The following MAP7D3 variants were observed in gnomAD, a reference collection of about 807,000 sequenced individuals.
MAP7D3 encodes the protein MAP7 domain-containing protein 3.
MAP7D3 carries 45 observed loss-of-function variants against 62.2 expected under a neutral mutation model. The observed-to-expected ratio is 0.72, with a 90% CI of 0.57 to 0.93. The LOEUF (loss-of-function observed/expected upper bound fraction) is 0.93, where lower values mean the gene tolerates loss of function less well. Among genes scored for constraint, MAP7D3 ranks in the 40% least tolerant of loss-of-function variants. The pLI, the probability that MAP7D3 is intolerant of heterozygous loss-of-function variation, is 0.00. For missense variants in MAP7D3, 711 were observed against 683.1 expected, an observed-to-expected ratio of 1.04 and a Z score of -0.45; for synonymous variants, 288 against 248.8, an observed-to-expected ratio of 1.16 and a Z score of -1.48.
chrX:136,217,833 CTCT>C lies in MAP7D3; in HGVS notation c.*690_*692del, dbSNP rs2148394486. ...CTTTGGGAGGCCAAGACGGGTGGAT[CTCT>C]TGAGGCCAGGATTTCGAGACTAGCC... On this transcript the variant is annotated 3_prime_UTR_variant, in exon 19 of 19. Coordinates refer to ENST00000316077, the MANE Select transcript of MAP7D3 (RefSeq NM_024597.4). 1 of 111,012 alleles carries C rather than the reference CTCT, an allele frequency of 9.0e-6. No individual in the cohort carries two copies. Among genetic ancestry groups the C allele is most frequent in the African/African-American group, 3.3e-5 (1 of 30,538 alleles). 9.1% of individuals were successfully genotyped at this position (111,012 alleles called of 1,213,427 possible).
rs776333996 is a variant in MAP7D3 at position 136,218,054 on chromosome X, CAAAAAA to C, written c.*466_*471del. On this transcript the variant is annotated 3_prime_UTR_variant, in exon 19 of 19. Coordinates refer to ENST00000316077, the MANE Select transcript of MAP7D3 (RefSeq NM_024597.4). Reference sequence around the variant, plus strand: ...TGGGCGACAGGGCAAGACTCCGTCTCAAAAAAAAAAAAAAGAAAAAGAAAAAGAAAA... The same window carrying C: ...TGGGCGACAGGGCAAGACTCCGTCTCAAAAAAAAGAAAAAGAAAAAGAAAA... The C allele has an allele frequency of 1.9e-5, 1 of 53,497 alleles. No individual in the cohort carries two copies. Among genetic ancestry groups the C allele is most frequent in the Non-Finnish European group, 3.7e-5 (1 of 27,121 alleles). 4.4% of individuals were successfully genotyped at this position (53,497 alleles called of 1,213,427 possible).
chrX:136,215,910 G>GGGAA (rs1188974691), downstream of MAP7D3, among the ~76,000 whole-genome samples: 2 of 111,409 alleles, frequency 1.8e-5, no homozygotes, highest in African/African-American at 6.5e-5. Flanking sequence ...AAGGGGAGGA[G>GGGAA]GGAAAGGGGA....
intron 10 of MAP7D3, among the ~76,000 whole-genome samples, chrX:136,229,675 G>T (rs1444139640): frequency 1.0e-5 from 1 of 97,370 alleles, no homozygotes; most frequent in East Asian, 3.3e-4. Flanking sequence ...GGGATCTCAG[G>T]AATCACCTAG....
upstream of MAP7D3, among the ~76,000 whole-genome samples, chrX:136,255,734 G>GCTCCT (rs1299485527): frequency 1.8e-5 from 2 of 110,795 alleles, no homozygotes; most frequent in Non-Finnish European, 3.8e-5. Flanking sequence ...AACCCAGGCG[G>GCTCCT]CTCCTCTCCT....
chrX:136,229,955 T>TTG lies in MAP7D3; in HGVS notation c.1750+428_1750+429dup, dbSNP rs56189227. On this transcript the variant is annotated intron_variant, in intron 10 of 18. Transcript: ENST00000316077. ...TTCCACATCGGGCTAATTTTTTTTT[T>TTG]TGTGTGTGTATATATATATATATAT... Among the ~76,000 whole-genome samples the TTG allele has an allele frequency of 8.8e-3, 529 of 59,823 alleles. 6 individuals carry two copies. Among genetic ancestry groups the TTG allele is most frequent in the African/African-American group, 0.024 (465 of 19,064 alleles). The allele number at this position is 59,823 out of a possible 115,157, so 51.9% of individuals were successfully genotyped here.
Position 136,231,892 on chromosome X carries a change from C to T in MAP7D3, c.1065G>A (p.Glu355=). The change falls in exon 8 of 19, where the codon GAG becomes GAA. Residue 355 remains glutamate (E), a synonymous_variant. Transcript: ENST00000316077. ...VSPVVSTYDS[E]MSMDASPELS... is the part of the protein sequence containing the mutation. ...ACTCGGGGGATGCGTCCATGCTCAT[C>T]TCAGAATCATATGTGCTCACCACAG... 8.3e-7 allele frequency: 1 copy of T among 1,211,675 alleles called. No homozygotes were observed. The highest frequency in any genetic ancestry group is 1.1e-6 in the Non-Finnish European group (1 of 895,425).
In MAP7D3 at chrX:136,250,780, T is replaced by C. The variant is rs746364812; in HGVS notation, c.70+509A>G. Reference sequence around the variant, plus strand: ...CTCGCCCACGACCCGGGCTGGGGGATAACTCAAACTTTCCGTGCCTGGAAA... The same window carrying C: ...CTCGCCCACGACCCGGGCTGGGGGACAACTCAAACTTTCCGTGCCTGGAAA... On this transcript the variant is annotated intron_variant, in intron 1 of 18. Transcript: ENST00000316077. Among the ~76,000 whole-genome samples, 129 of 111,940 alleles carry C rather than the reference T, an allele frequency of 1.2e-3. 1 individual carries two copies. Among genetic ancestry groups the C allele is most frequent in the African/African-American group, 4.0e-3 (123 of 30,955 alleles).
intron 1 of MAP7D3, among the ~76,000 whole-genome samples, chrX:136,249,458 G>A (rs781359514): frequency 4.8e-4 from 54 of 112,245 alleles, no homozygotes; most frequent in Non-Finnish European, 8.6e-4. Flanking sequence ...ATATAAACAC[G>A]TGTTTTGTTA....
rs755559892 is a variant in MAP7D3, at chrX:136,228,684, G to A, written c.1825C>T (p.Leu609Phe). ...ATKILTELRR[L>F]AREQREKEEE... ...TCTTTTTCTCTTTGTTCACGAGCAA[G>A]GCGGCGCAATTCTGTCAAAATTTTT... The change falls in exon 11 of 19, where the codon CTT (leucine) becomes TTT (phenylalanine). Residue 609 changes from leucine (L) to phenylalanine (F), a missense_variant. Coordinates refer to ENST00000316077, the MANE Select transcript of MAP7D3 (RefSeq NM_024597.4). The A allele has an allele frequency of 3.3e-6, 4 of 1,207,283 alleles. No homozygotes were observed. The highest frequency in any genetic ancestry group is 4.5e-6 in the Non-Finnish European group (4 of 893,212).
At chrX:136,215,808 G>A (rs2074057640), downstream of MAP7D3, among the ~76,000 whole-genome samples, 1 of 111,828 alleles carries the variant, frequency 8.9e-6, no homozygotes, top group African/African-American at 3.2e-5. Flanking sequence ...TAAGAGATGA[G>A]TATAAAAGAG....
intron 1 of MAP7D3, among the ~76,000 whole-genome samples, chrX:136,247,010 A>G (rs1009915821): frequency 1.8e-5 from 2 of 112,335 alleles, no homozygotes; most frequent in Non-Finnish European, 3.8e-5. Flanking sequence ...TCTGATGCAT[A>G]TTGAAGGTGG....
At chrX:136,223,589 T>C (rs757183425) in intron 14 of MAP7D3, among the ~76,000 whole-genome samples, 28 of 111,027 alleles carry the variant, frequency 2.5e-4, no homozygotes, top group African/African-American at 8.5e-4. Flanking sequence ...ATACCTACAA[T>C]TCAATCAGAA....
At chrX:136,225,122 G>A (rs2074180335) in intron 13 of MAP7D3, among the ~76,000 whole-genome samples, 1 of 112,280 alleles carries the variant, frequency 8.9e-6, no homozygotes, top group African/African-American at 3.2e-5. Flanking sequence ...ACATTCAAAT[G>A]ACAACATCTC....
chrX:136,238,478 A>T (rs2074354582), intron 6 of MAP7D3, among the ~76,000 whole-genome samples: 1 of 112,477 alleles, frequency 8.9e-6, no homozygotes, highest in South Asian at 3.6e-4. Context: ...ATTGCAATTA[A>T]TGTTATCTAA....
At chrX:136,222,090 C>A (rs904380067) in intron 15 of MAP7D3, among the ~76,000 whole-genome samples, 1 of 112,362 alleles carries the variant, frequency 8.9e-6, no homozygotes, top group Non-Finnish European at 1.9e-5. Flanking sequence ...TGCTGGCAAT[C>A]CTCACATTCA....
Position 136,230,528 on chromosome X carries a change from G to A in MAP7D3, c.1607C>T (p.Thr536Ile). The A allele has an allele frequency of 1.7e-6, 2 of 1,199,990 alleles. No homozygotes were observed. Among genetic ancestry groups the A allele is most frequent in the East Asian group, 3.0e-5 (1 of 33,793 alleles). ...AGGCATTATTTTATAAGGAAAAGAAGTCTGTGGTGACTGTTTTGAAATAAG... is the reference window on the plus strand; with the variant it reads ...AGGCATTATTTTATAAGGAAAAGAAATCTGTGGTGACTGTTTTGAAATAAG... ...LPLISKQSPQTSFPYKIMPIQ... is the reference protein window; with the variant it reads ...LPLISKQSPQISFPYKIMPIQ... Residue 536 changes from threonine (T) to isoleucine (I), a missense_variant, in exon 10 of 19, where the codon ACT (threonine) becomes ATT (isoleucine). Coordinates refer to ENST00000316077, the MANE Select transcript of MAP7D3 (RefSeq NM_024597.4).
chrX:136,246,928 T>C (rs1044470644), intron 1 of MAP7D3, among the ~76,000 whole-genome samples: 3 of 112,045 alleles, frequency 2.7e-5, no homozygotes, highest in Non-Finnish European at 5.6e-5. Flanking sequence ...AAATCAGCAA[T>C]GCCTGCCTGC....
chrX:136,231,772 T>C lies in MAP7D3; in HGVS notation c.1185A>G (p.Glu395=), dbSNP rs2074271507. 13 of 1,210,815 alleles carry C rather than the reference T, an allele frequency of 1.1e-5. No individual in the cohort carries two copies. The East Asian group carries it at 3.6e-4, about 33-fold the overall frequency. ...SPEASLEAPP[E]VSLEALPEVS... The stretch of plus-strand genomic sequence containing the variant: ...CCTCTGGCAGTGCTTCCAGACTCAC[T>C]TCCGGGGGTGCTTCCAGGCTCGCCT... The change falls in exon 8 of 19, where the codon GAA becomes GAG. Residue 395 remains glutamate (E), a synonymous_variant. Coordinates refer to ENST00000316077, the MANE Select transcript of MAP7D3 (RefSeq NM_024597.4).
chrX:136,214,654 G>C (rs1368882488), downstream of MAP7D3: 6 of 112,007 alleles, frequency 5.4e-5, no homozygotes, highest in African/African-American at 1.9e-4. Flanking sequence ...GTCTTCAGGG[G>C]CCTGTCTGGC....
Sources: gnomAD v4.1 joint callset for allele counts (sites outside exome capture counted in the v4.1 genomes callset) on GRCh38, gnomAD v4.1.1 for gene constraint, MANE v1.5 for transcripts, NCBI Gene and HGNC (gene_info 2026-07-23, HGNC 2026-07-21) for gene names.